MBD5: variants seen among roughly 807,000 people sequenced by gnomAD.
The protein encoded by MBD5 is methyl-CpG binding domain protein 5.
In MBD5, 13 loss-of-function variants were observed where a neutral mutation model predicts 117.3. The observed-to-expected ratio is 0.11, with a 90% CI of 0.07 to 0.18. The LOEUF (loss-of-function observed/expected upper bound fraction) is 0.18, where lower values mean the gene tolerates loss of function less well. Ranked by LOEUF, MBD5 falls within the 10% of genes least tolerant of loss-of-function variation. The pLI, the probability that MBD5 is intolerant of heterozygous loss-of-function variation, is 1.00. For synonymous variants in MBD5, 727 were observed against 766.4 expected (o/e 0.95, Z 0.85); for missense variants, 1,879 against 2,093.8 (o/e 0.90, Z 2.00).
intron 4 of MBD5, among the ~76,000 whole-genome samples, chr2:148,404,029 G>T (rs1705003298): frequency 6.6e-6 from 1 of 151,918 alleles, no homozygotes; most frequent in Non-Finnish European, 1.5e-5. Flanking sequence ...ATTGCCTGGA[G>T]GTTCATCCAA....
Position 148,469,868 on chromosome 2 carries a change from C to G in MBD5, c.1925C>G (p.Ala642Gly). The part of the protein sequence containing the change: ...LPTGEGQSGR[A>G]ALRDKLMSQQ... ...ACAGGTGAAGGGCAAAGTGGTCGAG[C>G]AGCACTAAGAGATAAGCTGATGTCT... is the stretch of plus-strand genomic sequence containing the variant. The change falls in exon 8 of 14, where the codon GCA becomes GGA. Residue 642 changes from alanine to glycine, a missense_variant. This residue lies in a region of MBD5 where 1,666 missense variants were observed against 1,792.2 expected (regional missense o/e 0.93). Transcript: ENST00000642680. 1 of 1,613,940 alleles carries G rather than the reference C, an allele frequency of 6.2e-7. No homozygotes were observed. The highest frequency in any genetic ancestry group is 8.5e-7 in the Non-Finnish European group (1 of 1,179,922).
intron 1 of MBD5, among the ~76,000 whole-genome samples, chr2:148,049,045 AAG>A (rs1469623746): frequency 1.3e-5 from 2 of 152,226 alleles, no homozygotes; most frequent in African/African-American, 4.8e-5. Context: ...TGGTGCCAGC[AAG>A]AGTCATATTG....
intron 1 of MBD5, among the ~76,000 whole-genome samples, chr2:148,060,162 A>AAAG (rs1694990271): frequency 1.5e-5 from 2 of 134,746 alleles, no homozygotes; most frequent in South Asian, 5.0e-4. Context: ...AAAAAAAAAA[A>AAAG]GCCAGGCATG....
intron 3 of MBD5, among the ~76,000 whole-genome samples, chr2:148,277,247 G>A (rs557727557): frequency 6.6e-6 from 1 of 152,186 alleles, no homozygotes; most frequent in African/African-American, 2.4e-5. Flanking sequence ...ATAATATTTG[G>A]GTAATAGGGG....
At chr2:148,406,972 T>A (rs1574390757) in intron 4 of MBD5, among the ~76,000 whole-genome samples, 1 of 152,188 alleles carries the variant, frequency 6.6e-6, no homozygotes. Flanking sequence ...TTATTTTACA[T>A]ATGAAGTTGG....
intron 2 of MBD5, among the ~76,000 whole-genome samples, chr2:148,222,250 G>A (rs1181110081): frequency 1.3e-5 from 2 of 151,886 alleles, no homozygotes; most frequent in African/African-American, 2.4e-5. Context: ...TGAATTTTCT[G>A]TGGTTCCATA....
At chr2:148,322,673 G>A (rs548979665) in intron 3 of MBD5, among the ~76,000 whole-genome samples, 1 of 151,934 alleles carries the variant, frequency 6.6e-6, no homozygotes, top group East Asian at 1.9e-4. Context: ...AAATATTTAC[G>A]GAATTGCTTT....
intron 4 of MBD5, among the ~76,000 whole-genome samples, chr2:148,386,016 G>T (rs1303331463): frequency 3.3e-5 from 5 of 149,612 alleles, no homozygotes; most frequent in African/African-American, 4.9e-5. Flanking sequence ...TGCTAAATGA[G>T]GAGTTAATGG....
intron 1 of MBD5, among the ~76,000 whole-genome samples, chr2:148,145,872 G>A (rs950278682): frequency 3.8e-4 from 58 of 152,054 alleles, no homozygotes; most frequent in Non-Finnish European, 4.7e-4. Flanking sequence ...GAGGATTTTT[G>A]CATCGATGTT....
intron 3 of MBD5, among the ~76,000 whole-genome samples, chr2:148,294,506 T>TTTTTTTTTGTTTTTGTTTTTTTGTTTTG (rs1397412173): frequency 6.9e-5 from 9 of 130,688 alleles, no homozygotes; most frequent in South Asian, 4.9e-4. Context: ...TTACAGTTTT[T>TTTTTTTTTGTTTTTGTTTTTTTGTTTTG]TTTTTTTTTT....
At chr2:148,480,022 G>T (rs1681100755) in intron 8 of MBD5, among the ~76,000 whole-genome samples, 1 of 151,872 alleles carries the variant, frequency 6.6e-6, no homozygotes, top group Non-Finnish European at 1.5e-5. Flanking sequence ...TAAACTCTTA[G>T]TTCCTTTAGG....
chr2:148,085,130 G>C (rs895608700), intron 1 of MBD5, among the ~76,000 whole-genome samples: 2 of 152,188 alleles, frequency 1.3e-5, no homozygotes, highest in African/African-American at 4.8e-5. Flanking sequence ...AAGAGCAGAG[G>C]TGAACAACAT....
chr2:148,214,600 C>G (rs982571886), intron 2 of MBD5, among the ~76,000 whole-genome samples: 2 of 152,174 alleles, frequency 1.3e-5, no homozygotes, highest in Admixed American at 1.3e-4. Flanking sequence ...TGAGCTTATG[C>G]CTGATAACCA....
intron 1 of MBD5, among the ~76,000 whole-genome samples, chr2:148,119,202 G>A (rs746192618): frequency 5.3e-5 from 8 of 151,712 alleles, no homozygotes; most frequent in South Asian, 2.1e-4. Flanking sequence ...TTTTATTGTC[G>A]CCATTTTAGT....
At chr2:148,329,878 A>G (rs1702585869) in intron 3 of MBD5, among the ~76,000 whole-genome samples, 1 of 152,142 alleles carries the variant, frequency 6.6e-6, no homozygotes, top group African/African-American at 2.4e-5. Flanking sequence ...GGCTTGTTTT[A>G]TAAAAAATTA....
Position 148,261,931 on chromosome 2 carries a change from G to A in MBD5, c.-680+28536G>A, listed in dbSNP as rs1700743219. Among the ~76,000 whole-genome samples, 3 of 152,126 alleles carry A rather than the reference G, an allele frequency of 2.0e-5. No homozygotes were observed. The South Asian group carries it at 6.2e-4, about 32-fold the overall frequency. On this transcript the variant is annotated intron_variant, in intron 3 of 13. Transcript: ENST00000642680. ...TTAGGGGAGAGGGAGAGAGATGGGGGAACAGCCGGATTCTGTGGTAGTCAG... is the reference window on the plus strand; with the variant it reads ...TTAGGGGAGAGGGAGAGAGATGGGGAAACAGCCGGATTCTGTGGTAGTCAG...
intron 3 of MBD5, among the ~76,000 whole-genome samples, chr2:148,294,502 T>TTTTTTTTTTTTTGTTTTTTTTTTTTTG (rs1559009495): frequency 0.043 from 569 of 13,384 alleles, 27 homozygotes; most frequent in East Asian, 0.37. Context: ...GGGATTACAG[T>TTTTTTTTTTTTTGTTTTTTTTTTTTTG]TTTTTTTTTT....
At chr2:148,382,442 C>T (rs1370843063) in intron 4 of MBD5, among the ~76,000 whole-genome samples, 2 of 152,128 alleles carry the variant, frequency 1.3e-5, no homozygotes, top group African/African-American at 2.4e-5. Context: ...CAGGAGCACC[C>T]GGATTCATAA....
intron 1 of MBD5, among the ~76,000 whole-genome samples, chr2:148,074,494 T>G (rs1205199028): frequency 2.2e-5 from 3 of 133,904 alleles, no homozygotes; most frequent in Admixed American, 8.0e-5. Flanking sequence ...GTTTTTTTTT[T>G]GTTTTTTTTT....
Sources: allele counts gnomAD v4.1 joint callset (sites outside exome capture counted in the v4.1 genomes callset), GRCh38; gene constraint gnomAD v4.1.1; regional missense constraint gnomAD v4.1.1; transcripts MANE v1.5; gene names NCBI Gene and HGNC (gene_info 2026-07-23, HGNC 2026-07-21).